Variants in CRISP1 observed in about 807,000 individuals in gnomAD.
CRISP1 encodes the protein cysteine-rich secretory protein 1.
In CRISP1, 44 loss-of-function variants were observed where a neutral mutation model predicts 33.1. The ratio of observed to expected loss-of-function variants is 1.33; its 90% CI spans 1.05 to 1.71. The LOEUF (loss-of-function observed/expected upper bound fraction) is 1.71, where lower values mean the gene tolerates loss of function less well. CRISP1 is among the 40% of genes most tolerant of loss of function. The probability of loss-of-function intolerance (pLI) is 0.00; values close to 1 mark genes in which losing one functional copy is unlikely to be tolerated. For missense variants in CRISP1, 390 were observed against 301.2 expected (o/e 1.29, Z -2.18); for synonymous variants, 103 against 98.7 (o/e 1.04, Z -0.26).
chr6:49,857,620 T>C (rs981612807), intron 1 of CRISP1, among the ~76,000 whole-genome samples: 1 of 152,200 alleles, frequency 6.6e-6, no homozygotes, highest in Admixed American at 6.5e-5. Flanking sequence ...TAAATTGTTT[T>C]AATCCCTGGA....
chr6:49,862,120 C>G (rs1771670204), intron 1 of CRISP1, among the ~76,000 whole-genome samples: 1 of 152,036 alleles, frequency 6.6e-6, no homozygotes, highest in South Asian at 2.1e-4. Context: ...AATTGTCACT[C>G]TTTGCAGATG....
intron 1 of CRISP1, among the ~76,000 whole-genome samples, chr6:49,864,556 C>T (rs566574314): frequency 1.3e-5 from 2 of 151,830 alleles, no homozygotes; most frequent in East Asian, 3.9e-4. Flanking sequence ...AGCTTCATAC[C>T]CTCACCTATT....
chr6:49,857,374 C>T lies in CRISP1; in HGVS notation c.27G>A (p.Leu9=), dbSNP rs1277972505. The T allele has an allele frequency of 6.2e-7, 1 of 1,612,864 alleles. No homozygotes were observed. The highest frequency in any genetic ancestry group is 1.7e-5 in the Admixed American group (1 of 59,946). Residue 9 remains leucine, a synonymous_variant, in exon 2 of 8, where the codon TTG becomes TTA. Transcript: ENST00000335847. MEIKHLLF[L]VAAACLLPML... is the part of the protein sequence containing the mutation. ...TAGGCAGTAAGCAAGCAGCAGCAAC[C>T]AAAAACAAGAGGTGTTTAATTTCCA...
At chr6:49,870,321 A>T (rs1771893415), upstream of CRISP1, among the ~76,000 whole-genome samples, 1 of 152,184 alleles carries the variant, frequency 6.6e-6, no homozygotes, top group Admixed American at 6.5e-5. Flanking sequence ...AATGATGGAA[A>T]TTTCCAAAGT....
chr6:49,874,039 C>T (rs1483630608), intron 1 of CRISP1, among the ~76,000 whole-genome samples: 2 of 151,978 alleles, frequency 1.3e-5, no homozygotes, highest in African/African-American at 4.8e-5. Context: ...TATATGCTCT[C>T]CCAGTATTCT....
chr6:49,838,085 A>C lies in CRISP1; in HGVS notation c.622+352T>G, dbSNP rs181413352. Among the ~76,000 whole-genome samples, 349 of 152,270 alleles carry C rather than the reference A, an allele frequency of 2.3e-3. 1 individual carries two copies. Among genetic ancestry groups the C allele is most frequent in the Non-Finnish European group, 3.8e-3 (256 of 68,016 alleles). ...TGGAGAACACCGGTAAACTGAAAGC[A>C]ATGGGCCTAAATTATGGGTTGCAGT... On this transcript the variant is annotated intron_variant, in intron 7 of 7. Transcript: ENST00000335847.
At chr6:49,865,790 C>A (rs549098980) in intron 1 of CRISP1, among the ~76,000 whole-genome samples, 5 of 152,030 alleles carry the variant, frequency 3.3e-5, no homozygotes, top group Non-Finnish European at 7.4e-5. Context: ...AGCATGAAGA[C>A]CCTGGAGACT....
chr6:49,855,915 G>A (rs1582275241), intron 2 of CRISP1, among the ~76,000 whole-genome samples: 1 of 152,116 alleles, frequency 6.6e-6, no homozygotes, highest in Non-Finnish European at 1.5e-5. Flanking sequence ...TAAAGTTTAT[G>A]TAATAAATTT....
chr6:49,874,145 A>G (rs1771982792), intron 1 of CRISP1, among the ~76,000 whole-genome samples: 1 of 152,090 alleles, frequency 6.6e-6, no homozygotes, highest in South Asian at 2.1e-4. Flanking sequence ...TTTTCAGTCA[A>G]TAATAGAACC....
intron 1 of CRISP1, 58 bp from the exon 2 acceptor site, chr6:49,857,460 A>G: frequency 6.7e-7 from 1 of 1,501,494 alleles, no homozygotes; most frequent in East Asian, 2.3e-5. Context: ...AACATCTGGT[A>G]ATAAACTATT....
intron 2 of CRISP1, among the ~76,000 whole-genome samples, chr6:49,853,325 A>G (rs565030661): frequency 6.6e-6 from 1 of 152,226 alleles, no homozygotes; most frequent in Non-Finnish European, 1.5e-5. Flanking sequence ...CATTTATTTA[A>G]CATCCTATCA....
upstream of CRISP1, among the ~76,000 whole-genome samples, chr6:49,870,682 G>C (rs1771902023): frequency 6.6e-6 from 1 of 152,110 alleles, no homozygotes; most frequent in Non-Finnish European, 1.5e-5. Context: ...AAATTTACTT[G>C]AGTTGTTTAA....
intron 2 of CRISP1, among the ~76,000 whole-genome samples, chr6:49,854,149 A>G (rs577163904): frequency 2.0e-5 from 3 of 152,200 alleles, no homozygotes; most frequent in African/African-American, 7.2e-5. Flanking sequence ...CAGTCTGTCA[A>G]TCTACCTGTA....
chr6:49,864,738 TGGTTGTAATTA>T (rs1359998679), intron 1 of CRISP1, among the ~76,000 whole-genome samples: 1 of 152,152 alleles, frequency 6.6e-6, no homozygotes, highest in Non-Finnish European at 1.5e-5. Flanking sequence ...GTTTTTTCCA[TGGTTGTAATTA>T]GGTTGGCTCT....
In CRISP1 at chr6:49,834,300, T is replaced by A. The variant is rs1770708019; in HGVS notation, c.*1016A>T. 4.0e-5 allele frequency: 6 copies of A among 150,864 alleles called. No homozygotes were observed. The South Asian group carries it at 1.3e-3, about 32-fold the overall frequency. The allele number at this position is 150,864 out of a possible 1,614,324, so 9.3% of individuals were successfully genotyped here. ...CACTTTATTGAAATGAGTAAAGAAA[T>A]ATACAAGTAGGTAGAACTGGGTATA... is the stretch of plus-strand genomic sequence containing the variant. On this transcript the variant is annotated 3_prime_UTR_variant, in exon 8 of 8. Transcript: ENST00000335847.
chr6:49,870,579 C>T (rs745577176), upstream of CRISP1, among the ~76,000 whole-genome samples: 19 of 152,080 alleles, frequency 1.2e-4, no homozygotes, highest in Non-Finnish European at 2.6e-4. Context: ...AAAACTGACT[C>T]GAAGTCAAGG....
chr6:49,856,730 A>G (rs1252969231), intron 2 of CRISP1, among the ~76,000 whole-genome samples: 2 of 152,140 alleles, frequency 1.3e-5, no homozygotes, highest in Admixed American at 6.6e-5. Context: ...TTTTCTTTAT[A>G]TCATTGAAGT....
In CRISP1 at chr6:49,846,593, C is replaced by G; in HGVS notation, c.362G>C (p.Ser121Thr). The change falls in exon 5 of 8, where the codon AGT becomes ACT. Residue 121 changes from serine (S) to threonine (T), a missense_variant. Physicochemically the swap from Ser to Thr is moderately conservative, Grantham distance 58. Coordinates refer to ENST00000335847, the MANE Select transcript of CRISP1 (RefSeq NM_001131.3). ...SWSSVIGVWY[S>T]ESTSFKHGEW... ...TCCATGTTTGAAACTTGTAGACTCA[C>G]TGTACCAGACTCCAATTACACTTGA... is the stretch of plus-strand genomic sequence containing the variant. 1 of 1,613,592 alleles carries G rather than the reference C, an allele frequency of 6.2e-7. No homozygotes were observed.
intron 2 of CRISP1, among the ~76,000 whole-genome samples, chr6:49,856,168 C>T (rs1771492121): frequency 2.0e-5 from 3 of 152,122 alleles, no homozygotes; most frequent in Non-Finnish European, 2.9e-5. Context: ...GGACTTTTAA[C>T]TAGTGATACT....
Sources: allele counts gnomAD v4.1 joint callset (sites outside exome capture counted in the v4.1 genomes callset), GRCh38; gene constraint gnomAD v4.1.1; transcripts MANE v1.5; gene names NCBI Gene and HGNC (gene_info 2026-07-23, HGNC 2026-07-21).